ECHDC1: variants seen among roughly 807,000 people sequenced by gnomAD.
ECHDC1 encodes the protein ethylmalonyl-CoA decarboxylase 1, also known as ethylmalonyl-CoA decarboxylase.
ECHDC1 carries 29 observed loss-of-function variants against 29.7 expected under a neutral mutation model. The ratio of observed to expected loss-of-function variants is 0.98; its 90% CI spans 0.73 to 1.33. ECHDC1 has a LOEUF of 1.33. Among genes scored for constraint, ECHDC1 ranks in the 40% most tolerant of loss-of-function variants. ECHDC1 has a pLI of 0.00. For missense variants in ECHDC1, 328 were observed against 350.0 expected (o/e 0.94, Z 0.50); for synonymous variants, 126 against 123.1 (o/e 1.02, Z -0.15).
In ECHDC1 at chr6:127,289,095, AAAG is replaced by A. The variant is rs1283089139; in HGVS notation, c.*771_*773del. On this transcript the variant is annotated 3_prime_UTR_variant, in exon 6 of 6. Transcript: ENST00000454859. Reference sequence around the variant, plus strand: ...AAGGTTAGTTGTTTTTCAGGAAAAAAAAGAAATCTGATGTAAAAATGCAAATTT... The same window carrying A: ...AAGGTTAGTTGTTTTTCAGGAAAAAAAAATCTGATGTAAAAATGCAAATTT... 5 of 152,084 alleles carry A rather than the reference AAAG, an allele frequency of 3.3e-5. No individual in the cohort carries two copies. The highest frequency in any genetic ancestry group is 5.9e-5 in the Non-Finnish European group (4 of 67,986). 9.4% of individuals were successfully genotyped at this position (152,084 alleles called of 1,614,324 possible). A position where few individuals can be genotyped will look rare whatever the true frequency, so the allele number is the denominator to read the frequency against.
At chr6:127,311,509 T>C (rs1781896313) in intron 5 of ECHDC1, among the ~76,000 whole-genome samples, 2 of 151,792 alleles carry the variant, frequency 1.3e-5, no homozygotes, top group South Asian at 4.2e-4. Context: ...ACCCCATCTC[T>C]ACTAAAAGTA....
At chr6:127,324,343 G>C (rs753285618) in intron 3 of ECHDC1, among the ~76,000 whole-genome samples, 1 of 151,988 alleles carries the variant, frequency 6.6e-6, no homozygotes, top group African/African-American at 2.4e-5. Context: ...CCTCAAAAAC[G>C]CCTGTGAGAT....
intron 5 of ECHDC1, among the ~76,000 whole-genome samples, chr6:127,307,379 C>T (rs955853255): frequency 1.1e-4 from 16 of 151,872 alleles, no homozygotes; most frequent in Non-Finnish European, 4.4e-5. Flanking sequence ...GCCTGTAATC[C>T]CAACACTTTG....
At chr6:127,307,639 T>G (rs898646719) in intron 5 of ECHDC1, among the ~76,000 whole-genome samples, 3 of 19,390 alleles carry the variant, frequency 1.5e-4, no homozygotes, top group African/African-American at 3.4e-4. Context: ...AGAGTGATAC[T>G]CTGTCTCAGA....
intron 3 of ECHDC1, among the ~76,000 whole-genome samples, chr6:127,324,811 A>C (rs1301420405): frequency 6.6e-6 from 1 of 152,244 alleles, no homozygotes; most frequent in Non-Finnish European, 1.5e-5. Context: ...TGAATAATGC[A>C]TATAAAATAA....
rs186385104 is a variant in ECHDC1 at position 127,290,342 on chromosome 6, T to C, written c.498-65A>G. ...TGTATGCTCTAATCATAAAGTACTA[T>C]CCATTCATGATCTGATGTGAATTCT... On this transcript the variant is annotated intron_variant, in intron 5 of 5. Transcript: ENST00000454859. 1.6e-4 allele frequency: 232 copies of C among 1,485,160 alleles called. 1 individual carries two copies. In the African/African-American group the frequency reaches 2.8e-3, roughly 18 times the overall value. 92.0% of individuals were successfully genotyped at this position (1,485,160 alleles called of 1,614,324 possible). A position where few individuals can be genotyped will look rare whatever the true frequency, so the allele number is the denominator to read the frequency against.
At chr6:127,331,065 T>A (rs1783891421) in intron 1 of ECHDC1, 35 bp from the exon 2 acceptor site, 1 of 1,517,846 alleles carries the variant, frequency 6.6e-7, no homozygotes, top group East Asian at 2.3e-5. Flanking sequence ...GTAGTATAGA[T>A]GAATAGGCAC....
chr6:127,289,096 A>C lies in ECHDC1; in HGVS notation c.*773T>G, dbSNP rs1779886524. On this transcript the variant is annotated 3_prime_UTR_variant, in exon 6 of 6. Transcript: ENST00000454859. ...AGGTTAGTTGTTTTTCAGGAAAAAA[A>C]AGAAATCTGATGTAAAAATGCAAAT... is the stretch of plus-strand genomic sequence containing the variant. 1 of 152,046 alleles carries C rather than the reference A, an allele frequency of 6.6e-6. No individual in the cohort carries two copies. The highest frequency in any genetic ancestry group is 6.6e-5 in the Admixed American group (1 of 15,250). 9.4% of individuals were successfully genotyped at this position (152,046 alleles called of 1,614,324 possible).
intron 3 of ECHDC1, among the ~76,000 whole-genome samples, chr6:127,317,203 A>T (rs7776136): frequency 0.73 from 110,971 of 151,866 alleles, 40,708 homozygotes; most frequent in East Asian, 0.78. Flanking sequence ...ACATTTACAC[A>T]CCTGGTTCTC....
intron 5 of ECHDC1, among the ~76,000 whole-genome samples, chr6:127,309,977 A>G (rs1359141699): frequency 6.6e-6 from 1 of 152,088 alleles, no homozygotes; most frequent in Non-Finnish European, 1.5e-5. Flanking sequence ...CTTCCTCCAA[A>G]ATTGAGGATT....
intron 3 of ECHDC1, among the ~76,000 whole-genome samples, chr6:127,316,988 T>C (rs575812690): frequency 6.6e-6 from 1 of 152,266 alleles, no homozygotes; most frequent in South Asian, 2.1e-4. Flanking sequence ...CATTGCCTTG[T>C]CTTTTTTTTA....
chr6:127,330,698 C>T (rs541750098), intron 2 of ECHDC1, 111 bp downstream of exon 2: 6 of 817,580 alleles, frequency 7.3e-6, no homozygotes, highest in African/African-American at 3.5e-5. Flanking sequence ...TCATGTTCTA[C>T]CAAGAGTACA....
At chr6:127,335,995 A>G (rs1430878681) in intron 1 of ECHDC1, among the ~76,000 whole-genome samples, 1 of 152,092 alleles carries the variant, frequency 6.6e-6, no homozygotes, top group Non-Finnish European at 1.5e-5. Flanking sequence ...CTCCTGAAGA[A>G]CTAGAAAGCT....
At position 127,314,815 on chromosome 6, in the gene ECHDC1, C is replaced by T. The variant is rs746287294; in HGVS notation, c.497+1G>A. On this transcript the variant is annotated splice_donor_variant, in intron 5 of 5. Transcript: ENST00000454859. LOFTEE classifies it high-confidence loss of function. ...AGAAATTAATGAAATTTTCATCCTA[C>T]CTGAAATCACATGCTGTAGTAAATT... 6.2e-7 allele frequency: 1 copy of T among 1,601,046 alleles called. No homozygotes were observed. Among genetic ancestry groups the T allele is most frequent in the South Asian group, 1.1e-5 (1 of 87,160 alleles).
chr6:127,339,196 G>A (rs186305380), intron 1 of ECHDC1, among the ~76,000 whole-genome samples: 22 of 151,120 alleles, frequency 1.5e-4, no homozygotes, highest in Middle Eastern at 3.2e-3. Flanking sequence ...TTGTTGACAA[G>A]TCTGGCAGCT....
At chr6:127,336,876 C>T (rs1420879269) in intron 1 of ECHDC1, among the ~76,000 whole-genome samples, 3 of 152,162 alleles carry the variant, frequency 2.0e-5, no homozygotes, top group Non-Finnish European at 2.9e-5. Context: ...CTCAAAATCT[C>T]TTAGCTAGTG....
At position 127,289,941 on chromosome 6, in the gene ECHDC1, A is replaced by ATCTCTTTCGT. The variant is rs754862718; in HGVS notation, c.824_833dup (p.Asp278GlufsTer21). 3.1e-6 allele frequency: 5 copies of ATCTCTTTCGT among 1,613,498 alleles called. No individual in the cohort carries two copies. The African/African-American group carries it at 6.7e-5, about 22-fold the overall frequency. On this transcript the variant is annotated frameshift_variant, in exon 6 of 6. Transcript: ENST00000454859. LOFTEE classifies it high-confidence loss of function. The stretch of plus-strand genomic sequence containing the variant: ...GCCCACCCCAAACTGTTCCTAAAAG[A>ATCTCTTTCGT]TCTCTTTCGTTCTGTAATGCTTCCT...
At chr6:127,301,988 C>T (rs1334286204) in intron 5 of ECHDC1, among the ~76,000 whole-genome samples, 3 of 152,150 alleles carry the variant, frequency 2.0e-5, no homozygotes, top group African/African-American at 7.2e-5. Context: ...AGGTTTTCAT[C>T]AGAAGCTTCT....
chr6:127,303,511 T>C (rs1217765287), intron 5 of ECHDC1, among the ~76,000 whole-genome samples: 5 of 152,212 alleles, frequency 3.3e-5, no homozygotes, highest in Admixed American at 2.6e-4. Context: ...AACAAGGCTC[T>C]AACTCTCTTC....
Sources: gnomAD v4.1 joint callset for allele counts (sites outside exome capture counted in the v4.1 genomes callset) on GRCh38, gnomAD v4.1.1 for gene constraint, MANE v1.5 for transcripts, NCBI Gene and HGNC (gene_info 2026-07-23, HGNC 2026-07-21) for gene names.